Variants in RBM20 observed in about 807,000 individuals in gnomAD.
The protein encoded by RBM20 is RNA binding motif protein 20.
In RBM20, 51 loss-of-function variants were observed where a neutral mutation model predicts 110.1. That is an observed-to-expected ratio of 0.46 (90% CI 0.37 to 0.59). RBM20 has a LOEUF of 0.59. Among genes scored for constraint, RBM20 ranks in the 20% least tolerant of loss-of-function variants. RBM20 has a pLI of 0.00. For missense variants in RBM20, 1,512 were observed against 1,574.9 expected, an observed-to-expected ratio of 0.96 and a Z score of 0.68; for synonymous variants, 589 against 618.2, an observed-to-expected ratio of 0.95 and a Z score of 0.70.
At chr10:110,720,955 T>C (rs1395813575) in intron 1 of RBM20, among the ~76,000 whole-genome samples, 1 of 152,210 alleles carries the variant, frequency 6.6e-6, no homozygotes, top group African/African-American at 2.4e-5. Context: ...TCCCTGACAT[T>C]TCTCTCACTG....
rs866752366 is a variant in RBM20 at position 110,831,223 on chromosome 10, C to G, written c.3573+41C>G. On this transcript the variant is annotated intron_variant, in intron 13 of 13. Coordinates refer to ENST00000369519, the MANE Select transcript of RBM20 (RefSeq NM_001134363.3). ...CCTTGCCCAGCATGCCAGGGGCTCC[C>G]CAGTCTCCATAACCGAGCCAGGTGT... The G allele has an allele frequency of 4.5e-6, 7 of 1,543,054 alleles. No individual in the cohort carries two copies. In the Middle Eastern group the frequency reaches 6.8e-4, roughly 149 times the overall value.
chr10:110,788,206 CT>C (rs1844443421), intron 5 of RBM20, among the ~76,000 whole-genome samples: 1 of 152,156 alleles, frequency 6.6e-6, no homozygotes, highest in African/African-American at 2.4e-5. Context: ...TAGTAAGCCC[CT>C]CTCACCTCCC....
Position 110,821,452 on chromosome 10 carries a change from A to T in RBM20, c.2833A>T (p.Thr945Ser), listed in dbSNP as rs2135121107. 1 of 1,551,816 alleles carries T rather than the reference A, an allele frequency of 6.4e-7. No individual in the cohort carries two copies. The highest frequency in any genetic ancestry group is 8.7e-7 in the Non-Finnish European group (1 of 1,147,026). Residue 945 changes from threonine to serine, a missense_variant, in exon 11 of 14, where the codon ACA becomes TCA. Physicochemically the swap from Thr to Ser is moderately conservative, Grantham distance 58. This residue lies in a region of RBM20 where 358 missense variants were observed against 384.2 expected (regional missense o/e 0.93). Transcript: ENST00000369519. ...CCAGAAAGACAAAATTTGCCCAGAA[A>T]CATGTCTGTGTGTGACAACCACCTT... ...IDQKDKICPE[T>S]CLCVTTTLDL... is the part of the protein sequence containing the mutation.
intron 1 of RBM20, among the ~76,000 whole-genome samples, chr10:110,742,875 A>C: frequency 6.6e-6 from 1 of 152,238 alleles, no homozygotes; most frequent in Middle Eastern, 3.2e-3. Flanking sequence ...ATTCATCTGC[A>C]TCTTCTTCAA....
rs112690217 is a variant in RBM20, at chr10:110,669,964, G to A, written c.191+25319G>A. Among the ~76,000 whole-genome samples, 345 of 152,290 alleles carry A rather than the reference G, an allele frequency of 2.3e-3. 1 individual carries two copies. The highest frequency in any genetic ancestry group is 4.1e-3 in the Non-Finnish European group (276 of 68,010). ...ATATGCCATTTCTTTGAAACCATTC[G>A]ATTTCACCCTATTTAGTTGTTCCAG... On this transcript the variant is annotated intron_variant, in intron 1 of 13. Transcript: ENST00000369519.
intron 1 of RBM20, among the ~76,000 whole-genome samples, chr10:110,687,972 A>G (rs1433234336): frequency 6.7e-6 from 1 of 149,318 alleles, no homozygotes; most frequent in Non-Finnish European, 1.5e-5. Flanking sequence ...CCTCTGGGTC[A>G]TGAGTGCTAC....
At chr10:110,725,897 C>T (rs1323385162) in intron 1 of RBM20, among the ~76,000 whole-genome samples, 2 of 152,246 alleles carry the variant, frequency 1.3e-5, no homozygotes, top group East Asian at 3.8e-4. Context: ...GGCCTCTGTG[C>T]TGGGGGTGGA....
chr10:110,659,570 T>C (rs754785200), intron 1 of RBM20, among the ~76,000 whole-genome samples: 3 of 152,130 alleles, frequency 2.0e-5, no homozygotes, highest in Non-Finnish European at 4.4e-5. Flanking sequence ...TTGATCCAAA[T>C]AGGATAAATG....
intron 1 of RBM20, among the ~76,000 whole-genome samples, chr10:110,707,021 A>G (rs2134904612): frequency 6.6e-6 from 1 of 152,370 alleles, no homozygotes; most frequent in East Asian, 1.9e-4. Flanking sequence ...GCTACTTTAC[A>G]TAGCAATTGT....
rs1564853706 is a variant in RBM20, at chr10:110,810,414, A to G, written c.1832A>G (p.Gln611Arg). ...KPGKAVAAII[Q>R]DIHSQRERDM... Reference sequence around the variant, plus strand: ...GGGAAGGCCGTGGCTGCCATCATCCAGGACATCCATTCCCAGAGGGAGAGG... The same window carrying G: ...GGGAAGGCCGTGGCTGCCATCATCCGGGACATCCATTCCCAGAGGGAGAGG... Residue 611 changes from glutamine (Q) to arginine (R), a missense_variant, in exon 8 of 14, where the codon CAG (glutamine) becomes CGG (arginine). Coordinates refer to ENST00000369519, the MANE Select transcript of RBM20 (RefSeq NM_001134363.3). 1 of 1,551,490 alleles carries G rather than the reference A, an allele frequency of 6.4e-7. No individual in the cohort carries two copies. The highest frequency in any genetic ancestry group is 8.7e-7 in the Non-Finnish European group (1 of 1,146,932).
intron 13 of RBM20, among the ~76,000 whole-genome samples, chr10:110,833,785 C>T (rs1235758729): frequency 2.0e-5 from 3 of 152,320 alleles, no homozygotes; most frequent in African/African-American, 4.8e-5. Context: ...TTAAGCCCCT[C>T]GTGCCAGCCA....
At chr10:110,663,416 C>T (rs959362671) in intron 1 of RBM20, among the ~76,000 whole-genome samples, 14 of 152,188 alleles carry the variant, frequency 9.2e-5, no homozygotes, top group African/African-American at 3.4e-4. Context: ...AATGAAAAAG[C>T]AGAGTGCAGA....
chr10:110,829,742 C>G (rs1370803638), intron 12 of RBM20, among the ~76,000 whole-genome samples: 1 of 152,222 alleles, frequency 6.6e-6, no homozygotes, highest in Non-Finnish European at 1.5e-5. Flanking sequence ...GGCTTGCAGT[C>G]GGTCACGCTG....
At chr10:110,808,017 G>T (rs1321033357) in intron 7 of RBM20, among the ~76,000 whole-genome samples, 2 of 152,204 alleles carry the variant, frequency 1.3e-5, no homozygotes, top group Admixed American at 1.3e-4. Context: ...TGCTCCCCTG[G>T]TGCCTGTGTG....
intron 1 of RBM20, among the ~76,000 whole-genome samples, chr10:110,767,352 A>C (rs1286544333): frequency 4.3e-5 from 5 of 117,358 alleles, no homozygotes; most frequent in African/African-American, 6.8e-5. Flanking sequence ...TGACCCCCCC[A>C]CCTCCCTCCC....
At chr10:110,667,849 A>T (rs1476062765) in intron 1 of RBM20, among the ~76,000 whole-genome samples, 1 of 152,050 alleles carries the variant, frequency 6.6e-6, no homozygotes, top group Non-Finnish European at 1.5e-5. Context: ...TGTCCTGCTC[A>T]CTTTACCCCC....
chr10:110,752,562 G>A (rs186772258), intron 1 of RBM20, among the ~76,000 whole-genome samples: 4 of 152,296 alleles, frequency 2.6e-5, no homozygotes, highest in Admixed American at 6.5e-5. Flanking sequence ...GCTAAACACT[G>A]AACTAAGAAG....
intron 1 of RBM20, among the ~76,000 whole-genome samples, chr10:110,658,094 C>T (rs746831778): frequency 1.1e-4 from 16 of 151,986 alleles, no homozygotes; most frequent in African/African-American, 3.4e-4. Context: ...CCATGGAAGT[C>T]GGGACACAAG....
chr10:110,654,874 C>T (rs1177172497), intron 1 of RBM20, among the ~76,000 whole-genome samples: 5 of 152,172 alleles, frequency 3.3e-5, no homozygotes, highest in Non-Finnish European at 7.3e-5. Flanking sequence ...ACAACTAACT[C>T]GTACAGAGTG....
Sources: gnomAD v4.1 joint callset for allele counts (sites outside exome capture counted in the v4.1 genomes callset) on GRCh38, gnomAD v4.1.1 for gene constraint, gnomAD v4.1.1 regional missense constraint, MANE v1.5 for transcripts, NCBI Gene and HGNC (gene_info 2026-07-23, HGNC 2026-07-21) for gene names.